The following ANO1 variants were observed in gnomAD, a reference collection of about 807,000 sequenced individuals.
ANO1 encodes the protein anoctamin 1, also known as anoctamin-1.
In ANO1, 59 loss-of-function variants were observed where a neutral mutation model predicts 124.0. The ratio of observed to expected loss-of-function variants is 0.48; its 90% confidence interval spans 0.39 to 0.59. The LOEUF (loss-of-function observed/expected upper bound fraction) is 0.59. Among genes scored for constraint, ANO1 ranks in the 20% least tolerant of loss-of-function variants. The pLI is 0.00. For missense variants in ANO1, 1,059 were observed against 1,328.0 expected (o/e 0.80, Z 3.15); for synonymous variants, 529 against 532.0 (o/e 0.99, Z 0.08).
At chr11:70,040,661 C>A (rs549329593) in intron 1 of ANO1, among the ~76,000 whole-genome samples, 1 of 152,036 alleles carries the variant, frequency 6.6e-6, no homozygotes, top group Non-Finnish European at 1.5e-5. Flanking sequence ...GGTGACAGAG[C>A]GAGACTCTGT....
chr11:70,103,263 A>AC, intron 3 of ANO1, 99 bp downstream of exon 3: 1 of 968,590 alleles, frequency 1.0e-6, no homozygotes, highest in East Asian at 2.7e-5. Flanking sequence ...CCTGAGTTTT[A>AC]TAAAAAAAAA....
At chr11:70,000,517 C>A (rs1419677411) in intron 1 of ANO1, among the ~76,000 whole-genome samples, 10 of 152,166 alleles carry the variant, frequency 6.6e-5, no homozygotes, top group African/African-American at 2.4e-4. Flanking sequence ...CATGAGATAC[C>A]GAGCTTTGGC....
In ANO1 at chr11:70,138,206, G is replaced by T. The variant is rs148485838; in HGVS notation, c.1258+6127G>T. 5.9e-4 allele frequency among the ~76,000 whole-genome samples: 86 copies of T among 146,796 alleles called. 2 individuals carry two copies. Among genetic ancestry groups the T allele is most frequent in the African/African-American group, 2.0e-3 (82 of 41,254 alleles). On this transcript the variant is annotated intron_variant, in intron 11 of 25. Transcript: ENST00000355303. ...CTAAAAATACAAAGATTAGCTGGCCGTAGTGGCACGCGCCTGTAGTCCCAG... is the reference window on the plus strand; with the variant it reads ...CTAAAAATACAAAGATTAGCTGGCCTTAGTGGCACGCGCCTGTAGTCCCAG...
At chr11:70,070,785 G>A (rs1374395128) in intron 1 of ANO1, among the ~76,000 whole-genome samples, 1 of 152,236 alleles carries the variant, frequency 6.6e-6, no homozygotes, top group Non-Finnish European at 1.5e-5. Context: ...GCGAATGAAT[G>A]AGTATGTAGC....
chr11:69,984,907 A>G (rs1856005456), upstream of ANO1, among the ~76,000 whole-genome samples: 1 of 152,154 alleles, frequency 6.6e-6, no homozygotes, highest in Non-Finnish European at 1.5e-5. Context: ...GCCACTTAGC[A>G]TTCTGTTTAT....
intron 15 of ANO1, among the ~76,000 whole-genome samples, chr11:70,156,266 C>T (rs1017674693): frequency 2.0e-5 from 3 of 152,138 alleles, no homozygotes; most frequent in African/African-American, 7.2e-5. Context: ...TCTTGGTCTC[C>T]TCGTTAACAT....
At chr11:70,122,349 GTC>G (rs1290296641) in intron 8 of ANO1, among the ~76,000 whole-genome samples, 5 of 87,228 alleles carry the variant, frequency 5.7e-5, no homozygotes, top group Admixed American at 1.4e-4. Context: ...ATCTGCCTCT[GTC>G]TCTCTCTCTC....
chr11:70,117,834 G>A lies in ANO1; in HGVS notation c.897+1335G>A, dbSNP rs60981414. On this transcript the variant is annotated intron_variant, in intron 8 of 25. Transcript: ENST00000355303. ...GCCTCCCCCACAGGCCCCCATACAT[G>A]TTTTTAAATCTTTGGTACTTGATAC... Among the ~76,000 whole-genome samples the A allele has an allele frequency of 2.0e-5, 3 of 152,262 alleles. No individual in the cohort carries two copies. In the East Asian group the frequency reaches 5.8e-4, roughly 29 times the overall value.
At chr11:70,170,816 C>T (rs7127005) in intron 21 of ANO1, 71 bp from the exon 22 acceptor site, 553,124 of 1,540,850 alleles carry the variant, frequency 0.36, 103,235 homozygotes, top group East Asian at 0.52. Context: ...GCTCGGCACA[C>T]GGGGTGGTGG....
intron 9 of ANO1, among the ~76,000 whole-genome samples, chr11:70,125,788 G>A (rs1187456549): frequency 6.6e-6 from 1 of 150,576 alleles, no homozygotes; most frequent in Non-Finnish European, 1.5e-5. Context: ...AGCTTGCAGT[G>A]AGCCGAGATA....
At chr11:70,086,772 G>T (rs537188943) in intron 1 of ANO1, among the ~76,000 whole-genome samples, 1 of 152,180 alleles carries the variant, frequency 6.6e-6, no homozygotes, top group South Asian at 2.1e-4. Context: ...TGCACATAGC[G>T]GTGGCCGCTC....
chr11:70,156,821 C>G, intron 15 of ANO1, 126 bp from the exon 16 acceptor site: 1 of 789,902 alleles, frequency 1.3e-6, no homozygotes, highest in East Asian at 2.8e-5. Context: ...TGAGGTTTTT[C>G]TGAGTATTTC....
chr11:70,089,814 G>T (rs1364911155), intron 2 of ANO1, among the ~76,000 whole-genome samples: 1 of 152,210 alleles, frequency 6.6e-6, no homozygotes, highest in African/African-American at 2.4e-5. Context: ...CCAGCCCTGT[G>T]GCTTTCAGAA....
rs1489489818 is a variant in ANO1, at chr11:70,078,612, G to T, written c.6G>T (p.Arg2Ser). The change falls in exon 1 of 26, where the codon AGG becomes AGT. Residue 2 changes from arginine to serine, a missense_variant. Physicochemically the swap from Arg to Ser is moderately radical, Grantham distance 110. Around this residue, in one of 2 missense-constraint regions of ANO1, gnomAD observed 250 missense variants for 233.1 expected, o/e 1.07. Coordinates refer to ENST00000355303, the MANE Select transcript of ANO1 (RefSeq NM_018043.7). ...CCAGCGCACAGGCGGCCACGATGAG[G>T]GTCAACGAGAAGTACTCGACGCTCC... M[R>S]VNEKYSTLPA... The T allele has an allele frequency of 1.3e-6, 2 of 1,491,596 alleles. No homozygotes were observed. The highest frequency in any genetic ancestry group is 3.9e-5 in the Admixed American group (2 of 50,720). The allele number at this position is 1,491,596 out of a possible 1,614,324, so 92.4% of individuals were successfully genotyped here.
rs1007902609 is a variant in ANO1, at chr11:70,165,317, A to G, written c.1951-153A>G. On this transcript the variant is annotated intron_variant, in intron 19 of 25. Coordinates refer to ENST00000355303, the MANE Select transcript of ANO1 (RefSeq NM_018043.7). ...TTTGCAAAGACCCTTTTTGCAAATA[A>G]GGCCACGTTCCCAGGTGGCGGGGAT... 3 of 651,734 alleles carry G rather than the reference A, an allele frequency of 4.6e-6. No individual in the cohort carries two copies. The African/African-American group carries it at 5.5e-5, about 12-fold the overall frequency. 40.4% of individuals were successfully genotyped at this position (651,734 alleles called of 1,614,324 possible). A position where few individuals can be genotyped will look rare whatever the true frequency, so the allele number is the denominator to read the frequency against.
the ANO1 span, among the ~76,000 whole-genome samples, chr11:69,972,094 C>T: frequency 1.3e-5 from 2 of 148,652 alleles, no homozygotes; most frequent in African/African-American, 5.0e-5. Context: ...AAAAATTAGC[C>T]GGAAATCGCT....
intron 1 of ANO1, among the ~76,000 whole-genome samples, chr11:70,082,112 T>A (rs2044219185): frequency 6.6e-6 from 1 of 152,240 alleles, no homozygotes; most frequent in Non-Finnish European, 1.5e-5. Context: ...GTGTTTAAGT[T>A]GCTGGCCTGC....
chr11:69,973,715 T>A, the ANO1 span, among the ~76,000 whole-genome samples: 1 of 151,324 alleles, frequency 6.6e-6, no homozygotes. Context: ...CTACTAAAAA[T>A]ACAAAAATTA....
intron 25 of ANO1, among the ~76,000 whole-genome samples, chr11:70,186,730 C>T (rs1380583229): frequency 3.3e-5 from 5 of 152,134 alleles, no homozygotes; most frequent in Non-Finnish European, 7.4e-5. Flanking sequence ...TCGATTAAGT[C>T]GATGCTAGGA....
Sources: allele counts gnomAD v4.1 joint callset (sites outside exome capture counted in the v4.1 genomes callset), GRCh38; gene constraint gnomAD v4.1.1; regional missense constraint gnomAD v4.1.1; transcripts MANE v1.5; gene names NCBI Gene and HGNC (gene_info 2026-07-23, HGNC 2026-07-21).